The following BRINP3 variants were observed in gnomAD, a reference collection of about 807,000 sequenced individuals.
BRINP3 encodes BMP/retinoic acid-inducible neural-specific protein 3.
BRINP3 carries 19 observed loss-of-function variants against 71.0 expected under a neutral mutation model. The observed-to-expected ratio is 0.27, with a 90% CI of 0.19 to 0.39. The LOEUF (loss-of-function observed/expected upper bound fraction) is 0.39. BRINP3 is among the 10% of genes least tolerant of loss of function. BRINP3 has a pLI of 1.00. For synonymous variants in BRINP3, 380 were observed against 337.7 expected (o/e 1.13, Z -1.37); for missense variants, 959 against 940.8 (o/e 1.02, Z -0.25).
At chr1:190,387,291 A>G (rs1670973853) in intron 2 of BRINP3, among the ~76,000 whole-genome samples, 1 of 152,004 alleles carries the variant, frequency 6.6e-6, no homozygotes, top group Admixed American at 6.6e-5. Context: ...GATGGAGGAA[A>G]CTTGGCTTGA....
At chr1:190,296,525 A>T (rs1015904287) in intron 2 of BRINP3, among the ~76,000 whole-genome samples, 6 of 152,126 alleles carry the variant, frequency 3.9e-5, no homozygotes, top group African/African-American at 1.4e-4. Flanking sequence ...AAGGCTGCCC[A>T]CACTCACCAT....
chr1:190,394,579 T>TA (rs1671451063), intron 2 of BRINP3, among the ~76,000 whole-genome samples: 1 of 151,546 alleles, frequency 6.6e-6, no homozygotes, highest in Non-Finnish European at 1.5e-5. Context: ...ATAAGACCCT[T>TA]AAAATATCAC....
intron 7 of BRINP3, among the ~76,000 whole-genome samples, chr1:190,142,965 A>G (rs1307396863): frequency 6.6e-6 from 1 of 152,148 alleles, no homozygotes; most frequent in Non-Finnish European, 1.5e-5. Context: ...TTTTCCAGAT[A>G]TTAGAATTTT....
chr1:190,371,723 G>C (rs1669879770), intron 2 of BRINP3, among the ~76,000 whole-genome samples: 1 of 152,130 alleles, frequency 6.6e-6, no homozygotes, highest in Non-Finnish European at 1.5e-5. Context: ...TAAGAATTTT[G>C]ATAAGGATTG....
At chr1:190,443,556 T>C (rs970201781) in intron 2 of BRINP3, among the ~76,000 whole-genome samples, 1 of 152,114 alleles carries the variant, frequency 6.6e-6, no homozygotes. Flanking sequence ...CAAACTGGGG[T>C]ATTCAAAGTT....
At chr1:190,353,774 A>AC (rs1056134388) in intron 2 of BRINP3, among the ~76,000 whole-genome samples, 1 of 151,958 alleles carries the variant, frequency 6.6e-6, no homozygotes, top group Non-Finnish European at 1.5e-5. Flanking sequence ...TGTGTATTCC[A>AC]CCAGACATGA....
intron 2 of BRINP3, among the ~76,000 whole-genome samples, chr1:190,454,228 A>G (rs1474855893): frequency 6.6e-6 from 1 of 152,194 alleles, no homozygotes. Context: ...TTTCAGGTAA[A>G]AAAGGATGAG....
intron 2 of BRINP3, among the ~76,000 whole-genome samples, chr1:190,391,617 T>G (rs765945138): frequency 6.6e-6 from 1 of 151,730 alleles, no homozygotes; most frequent in African/African-American, 2.4e-5. Flanking sequence ...TTTAAAAAAT[T>G]TGTATAGGTT....
At chr1:190,276,409 A>G (rs1662557104) in intron 3 of BRINP3, among the ~76,000 whole-genome samples, 1 of 151,764 alleles carries the variant, frequency 6.6e-6, no homozygotes, top group Admixed American at 6.6e-5. Context: ...TCACATAGTG[A>G]AAAGTGAGAA....
At chr1:190,343,624 CA>C (rs1268750366) in intron 2 of BRINP3, among the ~76,000 whole-genome samples, 1 of 151,244 alleles carries the variant, frequency 6.6e-6, no homozygotes, top group African/African-American at 2.4e-5. Context: ...TAATAAAAAC[CA>C]TTACTAGTAT....
chr1:190,442,365 G>C (rs1023660628), intron 2 of BRINP3, among the ~76,000 whole-genome samples: 1 of 152,150 alleles, frequency 6.6e-6, no homozygotes, highest in Admixed American at 6.5e-5. Flanking sequence ...AATTTTTTAA[G>C]CCTTTGTTAA....
chr1:190,155,198 T>G (rs79715834), intron 7 of BRINP3, among the ~76,000 whole-genome samples: 4,703 of 152,186 alleles, frequency 0.031, 222 homozygotes, highest in African/African-American at 0.11. Context: ...ATAGGTAGAC[T>G]TCAACTCATT....
intron 2 of BRINP3, among the ~76,000 whole-genome samples, chr1:190,415,206 C>CAAGTTTGTTAAGTAAATA (rs1287251187): frequency 1.3e-5 from 2 of 152,084 alleles, no homozygotes; most frequent in African/African-American, 4.8e-5. Context: ...ATAGCATCTG[C>CAAGTTTGTTAAGTAAATA]AAGTTTGTTA....
intron 2 of BRINP3, among the ~76,000 whole-genome samples, chr1:190,341,711 C>G (rs966159293): frequency 6.6e-6 from 1 of 151,562 alleles, no homozygotes; most frequent in Admixed American, 6.6e-5. Context: ...ATCAAAGTTC[C>G]ATAGTTGAAA....
At chr1:190,301,127 T>C (rs1302671056) in intron 2 of BRINP3, among the ~76,000 whole-genome samples, 1 of 143,952 alleles carries the variant, frequency 6.9e-6, no homozygotes, top group Non-Finnish European at 1.5e-5. Context: ...ATTGATGGCT[T>C]TACATACATA....
chr1:190,184,351 T>C lies in BRINP3; in HGVS notation c.962-23461A>G, dbSNP rs368001310. ...TTTCTCAAAGAACTTAAAACAGAGC[T>C]ACCATTCCACCCAGCAATCCCATTA... On this transcript the variant is annotated intron_variant, in intron 6 of 7. Transcript: ENST00000367462. 4.6e-5 allele frequency among the ~76,000 whole-genome samples: 7 copies of C among 152,144 alleles called. No homozygotes were observed. The South Asian group carries it at 1.4e-3, about 31-fold the overall frequency.
At chr1:190,301,991 A>C (rs1376482593) in intron 2 of BRINP3, among the ~76,000 whole-genome samples, 1 of 151,654 alleles carries the variant, frequency 6.6e-6, no homozygotes, top group Non-Finnish European at 1.5e-5. Context: ...GCATTTTTTA[A>C]CATACTTTAT....
intron 2 of BRINP3, among the ~76,000 whole-genome samples, chr1:190,447,247 T>C (rs762288297): frequency 1.7e-4 from 26 of 149,436 alleles, no homozygotes; most frequent in Admixed American, 1.7e-3. Flanking sequence ...CTAGTATGGA[T>C]TGATAGATAG....
At chr1:190,153,308 TG>T (rs1656581391) in intron 7 of BRINP3, among the ~76,000 whole-genome samples, 2 of 152,270 alleles carry the variant, frequency 1.3e-5, no homozygotes, top group African/African-American at 4.8e-5. Context: ...ATGAAACACA[TG>T]AAAGACATTT....
Sources: allele counts gnomAD v4.1 joint callset (sites outside exome capture counted in the v4.1 genomes callset), GRCh38; gene constraint gnomAD v4.1.1; transcripts MANE v1.5; gene names NCBI Gene and HGNC (gene_info 2026-07-23, HGNC 2026-07-21).